The following SGCZ variants were observed in gnomAD, a reference collection of about 807,000 sequenced individuals.
SGCZ encodes the protein sarcoglycan zeta.
Under a neutral mutation model 41.3 loss-of-function variants are expected in SGCZ, and 40 were observed. The ratio of observed to expected loss-of-function variants is 0.97; its 90% confidence interval spans 0.75 to 1.26. The LOEUF is 1.26. SGCZ is among the 50% of genes most tolerant of loss of function. The probability of loss-of-function intolerance (pLI) is 0.00; values close to 1 mark genes in which losing one functional copy is unlikely to be tolerated. For missense variants in SGCZ, 552 were observed against 369.8 expected (o/e 1.49, Z -4.04); for synonymous variants, 206 against 137.5 (o/e 1.50, Z -3.49).
intron 3 of SGCZ, among the ~76,000 whole-genome samples, chr8:14,304,448 G>A (rs1185968129): frequency 6.6e-6 from 1 of 152,030 alleles, no homozygotes; most frequent in Non-Finnish European, 1.5e-5. Flanking sequence ...ACAAAAATTA[G>A]CCAGGCATGG....
chr8:14,331,332 G>C (rs532948694), intron 2 of SGCZ, among the ~76,000 whole-genome samples: 65 of 152,116 alleles, frequency 4.3e-4, no homozygotes, highest in African/African-American at 1.5e-3. Context: ...TTAAAGAGGA[G>C]GAGGTTCTCT....
chr8:14,100,114 T>G (rs917136326), intron 7 of SGCZ, among the ~76,000 whole-genome samples: 2 of 152,120 alleles, frequency 1.3e-5, no homozygotes, highest in Non-Finnish European at 2.9e-5. Context: ...TGATTTTATA[T>G]TTCTTCATAG....
chr8:15,004,277 A>G (rs1802523589), intron 1 of SGCZ, among the ~76,000 whole-genome samples: 1 of 152,164 alleles, frequency 6.6e-6, no homozygotes, highest in Non-Finnish European at 1.5e-5. Flanking sequence ...GGTGGCGATA[A>G]TGAGCAAGGC....
intron 1 of SGCZ, among the ~76,000 whole-genome samples, chr8:15,236,215 C>T (rs1802113817): frequency 6.6e-6 from 1 of 152,044 alleles, no homozygotes; most frequent in East Asian, 1.9e-4. Flanking sequence ...CAGGGCGATT[C>T]TGGCAGGCGC....
chr8:14,536,445 G>T (rs1374897542), intron 2 of SGCZ, among the ~76,000 whole-genome samples: 1 of 151,476 alleles, frequency 6.6e-6, no homozygotes, highest in East Asian at 1.9e-4. Flanking sequence ...AAAGTTATTT[G>T]AACGAGATCT....
intron 1 of SGCZ, among the ~76,000 whole-genome samples, chr8:14,624,569 T>TA (rs1563161418): frequency 1.6e-5 from 2 of 124,164 alleles, no homozygotes; most frequent in African/African-American, 3.5e-5. Context: ...TTTTTTTTTT[T>TA]TTTTTTTTTT....
chr8:14,271,648 T>A (rs1294063232), intron 3 of SGCZ, among the ~76,000 whole-genome samples: 1 of 152,182 alleles, frequency 6.6e-6, no homozygotes, highest in Non-Finnish European at 1.5e-5. Context: ...AAGATTTTTT[T>A]CCTGGTTTTC....
At chr8:14,613,111 G>C (rs900764750) in intron 1 of SGCZ, among the ~76,000 whole-genome samples, 2 of 152,208 alleles carry the variant, frequency 1.3e-5, no homozygotes, top group Non-Finnish European at 2.9e-5. Context: ...CACCCTGCCT[G>C]GCACTCAGGG....
At chr8:15,131,609 T>G (rs1488769929) in intron 1 of SGCZ, among the ~76,000 whole-genome samples, 12 of 152,230 alleles carry the variant, frequency 7.9e-5, no homozygotes, top group African/African-American at 2.9e-4. Context: ...TTTTTATATT[T>G]TAGCCAAAGA....
At chr8:14,650,789 G>A (rs35377854) in intron 1 of SGCZ, among the ~76,000 whole-genome samples, 30,608 of 151,786 alleles carry the variant, frequency 0.2, 3,679 homozygotes, top group Non-Finnish European at 0.28. Context: ...ACTCCGGCTC[G>A]TTCATTATCA....
chr8:14,531,559 C>T (rs1447629310), intron 2 of SGCZ, among the ~76,000 whole-genome samples: 2 of 151,944 alleles, frequency 1.3e-5, no homozygotes, highest in Admixed American at 1.3e-4. Flanking sequence ...AGGTGGCAGT[C>T]CAGAAGTTTC....
At chr8:14,994,587 A>G (rs75649813) in intron 1 of SGCZ, among the ~76,000 whole-genome samples, 2 of 116,802 alleles carry the variant, frequency 1.7e-5, no homozygotes, top group East Asian at 2.4e-4. Flanking sequence ...TGTGCATCCA[A>G]AAAAAAAAAA....
Position 14,090,329 on chromosome 8 carries a change from C to G in SGCZ, c.*114G>C. The G allele has an allele frequency of 9.1e-7, 1 of 1,100,080 alleles. No homozygotes were observed. The highest frequency in any genetic ancestry group is 1.3e-6 in the Non-Finnish European group (1 of 784,480). The allele number at this position is 1,100,080 out of a possible 1,614,324, so 68.1% of individuals were successfully genotyped here. ...GAATCCCTGCTCACACTGGAAGTTG[C>G]TCTGTGGACCATTCGAAGAAGCTCT... On this transcript the variant is annotated 3_prime_UTR_variant, in exon 8 of 8. Transcript: ENST00000382080.
At chr8:14,854,473 T>A (rs1803471104) in intron 1 of SGCZ, among the ~76,000 whole-genome samples, 2 of 152,076 alleles carry the variant, frequency 1.3e-5, no homozygotes, top group Non-Finnish European at 2.9e-5. Context: ...ATACTGTCAA[T>A]AAGTTATCAA....
At position 14,428,102 on chromosome 8, in the gene SGCZ, A is replaced by ATG. The variant is rs1491486946; in HGVS notation, c.235-103899_235-103898insCA. On this transcript the variant is annotated intron_variant, in intron 2 of 7. Transcript: ENST00000382080. ...CAGATACTGAAGAATGGTTGTATATACACACACACACACACACACACACAC... is the reference window on the plus strand; with the variant it reads ...CAGATACTGAAGAATGGTTGTATATATGCACACACACACACACACACACACAC... 2.1e-3 allele frequency among the ~76,000 whole-genome samples: 27 copies of ATG among 13,148 alleles called. No individual in the cohort carries two copies. The East Asian group carries it at 0.083, about 40-fold the overall frequency. The allele number at this position is 13,148 out of a possible 152,430, so 8.6% of individuals were successfully genotyped here.
chr8:14,564,447 C>A (rs183816509), intron 1 of SGCZ, among the ~76,000 whole-genome samples: 213 of 152,272 alleles, frequency 1.4e-3, no homozygotes, highest in Non-Finnish European at 1.1e-3. Flanking sequence ...GCCTTCTGTG[C>A]GTCTTAGGGA....
Position 14,632,089 on chromosome 8 carries a change from G to A in SGCZ, c.40-77163C>T, listed in dbSNP as rs145354597. Among the ~76,000 whole-genome samples, 5 of 152,180 alleles carry A rather than the reference G, an allele frequency of 3.3e-5. No homozygotes were observed. In the East Asian group the frequency reaches 9.7e-4, roughly 30 times the overall value. On this transcript the variant is annotated intron_variant, in intron 1 of 7. Coordinates refer to ENST00000382080, the MANE Select transcript of SGCZ (RefSeq NM_139167.4). ...GAAAGAGTGCAGTGGCACAATCACA[G>A]CTCATTGCTGCCTTGACCTGCTGGG...
chr8:14,145,279 T>A (rs1803487239), intron 5 of SGCZ, among the ~76,000 whole-genome samples: 1 of 152,292 alleles, frequency 6.6e-6, no homozygotes, highest in South Asian at 2.1e-4. Flanking sequence ...AGTCTCTGCC[T>A]GGTAATCCAG....
intron 2 of SGCZ, among the ~76,000 whole-genome samples, chr8:14,417,366 G>A (rs928276746): frequency 6.6e-6 from 1 of 151,754 alleles, no homozygotes; most frequent in Non-Finnish European, 1.5e-5. Flanking sequence ...TCTTCTGAGG[G>A]TTAGGAAAAT....
Sources: gnomAD v4.1 joint callset for allele counts (sites outside exome capture counted in the v4.1 genomes callset) on GRCh38, gnomAD v4.1.1 for gene constraint, MANE v1.5 for transcripts, NCBI Gene and HGNC (gene_info 2026-07-23, HGNC 2026-07-21) for gene names.